ADCY10: variants seen among roughly 807,000 people sequenced by gnomAD.
The protein encoded by ADCY10 is adenylate cyclase type 10.
A neutral mutation model predicts 183.3 loss-of-function variants in ADCY10; 156 were observed. That is an observed-to-expected ratio of 0.85 (90% CI 0.75 to 0.97). ADCY10 has a LOEUF of 0.97. ADCY10 is among the 50% of genes least tolerant of loss of function. The pLI is 0.00. For synonymous variants in ADCY10, 645 were observed against 670.0 expected (o/e 0.96, Z 0.58); for missense variants, 1,745 against 1,934.3 (o/e 0.90, Z 1.84).
intron 19 of ADCY10, 77 bp downstream of exon 19, chr1:167,848,284 T>C (rs1267151905): frequency 2.4e-6 from 3 of 1,242,674 alleles, no homozygotes; most frequent in Non-Finnish European, 3.5e-6. Context: ...CTCCTGACCT[T>C]GTGATCCGCC....
intron 18 of ADCY10, among the ~76,000 whole-genome samples, chr1:167,849,994 T>C (rs1371586837): frequency 6.6e-6 from 1 of 151,966 alleles, no homozygotes; most frequent in Non-Finnish European, 1.5e-5. Flanking sequence ...ATGGAGGGCA[T>C]TAAACACCAT....
At chr1:167,899,305 C>T in intron 6 of ADCY10, 118 bp downstream of exon 6, 1 of 1,011,540 alleles carries the variant, frequency 9.9e-7, no homozygotes, top group Non-Finnish European at 1.5e-6. Context: ...CCAGACTGAC[C>T]CCATCCCAAT....
intron 14 of ADCY10, among the ~76,000 whole-genome samples, chr1:167,863,772 G>A (rs1666468902): frequency 6.6e-6 from 1 of 152,232 alleles, no homozygotes; most frequent in Non-Finnish European, 1.5e-5. Context: ...GGCCCCCGTG[G>A]AGGATCAACA....
At chr1:167,830,295 GTT>G (rs200280639) in intron 25 of ADCY10, among the ~76,000 whole-genome samples, 1 of 136,898 alleles carries the variant, frequency 7.3e-6, no homozygotes, top group Non-Finnish European at 1.6e-5. Flanking sequence ...GTGGTTTTGT[GTT>G]TTTTTTTCTT....
Position 167,824,504 on chromosome 1 carries a change from G to C in ADCY10, c.4024C>G (p.Leu1342Val). Reference protein sequence around the residue: ...PNRHYQSLCRLSRCLLLNSRY... With the variant: ...PNRHYQSLCRVSRCLLLNSRY... ...CTGTTCAGAAGGAGACATCTGCTAA[G>C]TCTGCAGAGGGACTGATAATGTCGG... The change falls in exon 28 of 33, where the codon CTT becomes GTT. Residue 1342 changes from leucine to valine, a missense_variant. Leu to Val is a conservative substitution (Grantham distance 32, BLOSUM62 1). Transcript: ENST00000367851. 6.2e-7 allele frequency: 1 copy of C among 1,614,194 alleles called. No individual in the cohort carries two copies.
intron 6 of ADCY10, 71 bp downstream of exon 6, chr1:167,899,352 G>T: frequency 6.7e-7 from 1 of 1,485,300 alleles, no homozygotes; most frequent in Non-Finnish European, 9.4e-7. Flanking sequence ...AGCGTGCCCA[G>T]TGACTCTTCT....
intron 3 of ADCY10, among the ~76,000 whole-genome samples, chr1:167,902,447 C>G (rs1207293902): frequency 1.3e-5 from 2 of 152,218 alleles, no homozygotes; most frequent in Non-Finnish European, 2.9e-5. Flanking sequence ...CAGGACTCCA[C>G]AAAAACTAGG....
At chr1:167,845,281 G>A (rs1220930622) in intron 21 of ADCY10, among the ~76,000 whole-genome samples, 1 of 152,104 alleles carries the variant, frequency 6.6e-6, no homozygotes, top group Non-Finnish European at 1.5e-5. Context: ...GAATTAAGTG[G>A]GATATTTTAG....
At chr1:167,887,778 TAA>T (rs113188203) in intron 8 of ADCY10, among the ~76,000 whole-genome samples, 1 of 143,754 alleles carries the variant, frequency 7.0e-6, no homozygotes, top group Non-Finnish European at 1.5e-5. Context: ...AAAATAATTC[TAA>T]AAAAAAAAAA....
At chr1:167,897,233 C>T (rs917999864) in intron 6 of ADCY10, among the ~76,000 whole-genome samples, 6 of 151,000 alleles carry the variant, frequency 4.0e-5, no homozygotes, top group Admixed American at 1.3e-4. Flanking sequence ...GGCCTGTAAT[C>T]CTAGCACTTT....
At chr1:167,875,958 G>C (rs1218131493) in intron 12 of ADCY10, among the ~76,000 whole-genome samples, 1 of 150,456 alleles carries the variant, frequency 6.6e-6, no homozygotes, top group Non-Finnish European at 1.5e-5. Context: ...ATCTCAAAAA[G>C]AAAAAAAAGG....
chr1:167,855,351 A>G lies in ADCY10; in HGVS notation c.2171+814T>C, dbSNP rs146380295. ...CAAAAAACAAACAAACAAACAAACA[A>G]ACAAAAAACAAAGAAAACCCCAGGA... On this transcript the variant is annotated intron_variant, in intron 17 of 32. Transcript: ENST00000367851. 3.4e-4 allele frequency among the ~76,000 whole-genome samples: 51 copies of G among 152,020 alleles called. 1 individual carries two copies. The East Asian group carries it at 9.7e-3, about 29-fold the overall frequency.
At chr1:167,887,551 G>C (rs1668310132) in intron 8 of ADCY10, among the ~76,000 whole-genome samples, 2 of 151,978 alleles carry the variant, frequency 1.3e-5, no homozygotes, top group Non-Finnish European at 2.9e-5. Flanking sequence ...GTCGTGGGCT[G>C]GGGGGAAGGG....
intron 1 of ADCY10, 96 bp from the exon 2 acceptor site, chr1:167,905,294 G>A: frequency 1.1e-6 from 1 of 937,554 alleles, no homozygotes; most frequent in Non-Finnish European, 1.7e-6. Flanking sequence ...CCTGCGGCCT[G>A]CTTATAGTGG....
At chr1:167,821,696 G>T (rs1662924353) in intron 30 of ADCY10, among the ~76,000 whole-genome samples, 1 of 152,146 alleles carries the variant, frequency 6.6e-6, no homozygotes, top group Non-Finnish European at 1.5e-5. Context: ...GTGGGCAAGT[G>T]GTGCTATTCA....
At chr1:167,857,926 C>G (rs1571321319) in intron 16 of ADCY10, among the ~76,000 whole-genome samples, 1 of 152,144 alleles carries the variant, frequency 6.6e-6, no homozygotes, top group Non-Finnish European at 1.5e-5. Flanking sequence ...GGTTCCTAGG[C>G]CCAATCCACA....
chr1:167,864,183 C>A (rs186148076), intron 14 of ADCY10, among the ~76,000 whole-genome samples: 35 of 152,232 alleles, frequency 2.3e-4, no homozygotes, highest in Admixed American at 4.6e-4. Context: ...TGTGTGCGTG[C>A]CCTTTTTACC....
intron 23 of ADCY10, among the ~76,000 whole-genome samples, chr1:167,835,153 A>G (rs1184351553): frequency 6.6e-6 from 1 of 152,198 alleles, no homozygotes; most frequent in East Asian, 1.9e-4. Context: ...AAGTCAGATG[A>G]AGCAAGGGCC....
chr1:167,851,804 C>G (rs2101999447), intron 18 of ADCY10, among the ~76,000 whole-genome samples: 1 of 137,160 alleles, frequency 7.3e-6, no homozygotes, highest in African/African-American at 3.0e-5. Flanking sequence ...GCCTGGGCGA[C>G]AGAGTGTCTC....
Sources: allele counts gnomAD v4.1 joint callset (sites outside exome capture counted in the v4.1 genomes callset), GRCh38; gene constraint gnomAD v4.1.1; transcripts MANE v1.5; gene names NCBI Gene and HGNC (gene_info 2026-07-23, HGNC 2026-07-21).